Variants in SLC15A5 observed in about 807,000 individuals in gnomAD.
The protein encoded by SLC15A5 is solute carrier family 15 member 5.
Under a neutral mutation model 56.1 loss-of-function variants are expected in SLC15A5, and 58 were observed. The ratio of observed to expected loss-of-function variants is 1.03; its 90% CI spans 0.84 to 1.29. SLC15A5 has a LOEUF of 1.29. SLC15A5 is among the 50% of genes most tolerant of loss of function. The pLI is 0.00. For synonymous variants in SLC15A5, 264 were observed against 250.5 expected (o/e 1.05, Z -0.51); for missense variants, 681 against 672.1 (o/e 1.01, Z -0.15).
intron 5 of SLC15A5, among the ~76,000 whole-genome samples, chr12:16,227,912 AG>A (rs1428248054): frequency 6.6e-6 from 1 of 152,158 alleles, no homozygotes; most frequent in East Asian, 1.9e-4. Flanking sequence ...AGTTACAATC[AG>A]GGCTTCCACT....
Position 16,189,635 on chromosome 12 carries a change from G to A in SLC15A5, c.*33C>T. 7.0e-7 allele frequency: 1 copy of A among 1,425,342 alleles called. No individual in the cohort carries two copies. Among genetic ancestry groups the A allele is most frequent in the Non-Finnish European group, 9.2e-7 (1 of 1,091,524 alleles). 88.3% of individuals were successfully genotyped at this position (1,425,342 alleles called of 1,614,324 possible). ...ACTGAAGAAGAAAACAATGAATACT[G>A]TTCTCATAAGACAGGTAGACTCAAA... is the stretch of plus-strand genomic sequence containing the variant. On this transcript the variant is annotated 3_prime_UTR_variant, in exon 9 of 9. Transcript: ENST00000344941.
At chr12:16,199,398 G>T (rs1326602121) in intron 7 of SLC15A5, among the ~76,000 whole-genome samples, 1 of 150,390 alleles carries the variant, frequency 6.6e-6, no homozygotes, top group Non-Finnish European at 1.5e-5. Flanking sequence ...TGGTGAATAA[G>T]AGATGATCAG....
intron 7 of SLC15A5, among the ~76,000 whole-genome samples, chr12:16,202,088 G>GA (rs1863963967): frequency 6.6e-6 from 1 of 152,188 alleles, no homozygotes; most frequent in East Asian, 1.9e-4. Flanking sequence ...ACAATAAAAG[G>GA]AAAAATAGAC....
rs1042259433 is a variant in SLC15A5, at chr12:16,235,469, T to G, written c.1162+4212A>C. Among the ~76,000 whole-genome samples, 2 of 152,014 alleles carry G rather than the reference T, an allele frequency of 1.3e-5. No homozygotes were observed. The highest frequency in any genetic ancestry group is 4.8e-5 in the African/African-American group (2 of 41,428). On this transcript the variant is annotated intron_variant, in intron 5 of 8. Coordinates refer to ENST00000344941, the MANE Select transcript of SLC15A5 (RefSeq NM_001170798.1). The surrounding 1 kb of genome is among the most constrained non-coding windows in gnomAD (Gnocchi z 4.1). ...TACATAGAGATAAAATATGCAAATG[T>G]ATCTCTATAAGGCATCAGTTATTTG... is the stretch of plus-strand genomic sequence containing the variant.
At chr12:16,216,802 G>C (rs1400974387) in intron 7 of SLC15A5, 91 bp downstream of exon 7, 2 of 1,102,168 alleles carry the variant, frequency 1.8e-6, no homozygotes, top group Non-Finnish European at 2.5e-6. Context: ...AAAAAAGACT[G>C]CACTGACAAA....
At chr12:16,274,790 T>A (rs1864799424) in intron 1 of SLC15A5, among the ~76,000 whole-genome samples, 1 of 152,126 alleles carries the variant, frequency 6.6e-6, no homozygotes, top group Non-Finnish European at 1.5e-5. Context: ...CACTTTTAGT[T>A]TGAATGATAT....
intron 3 of SLC15A5, among the ~76,000 whole-genome samples, chr12:16,252,186 A>G (rs1864525898): frequency 6.6e-6 from 1 of 152,016 alleles, no homozygotes; most frequent in South Asian, 2.1e-4. Flanking sequence ...TCATATATGA[A>G]TATCCCACCG....
intron 2 of SLC15A5, among the ~76,000 whole-genome samples, chr12:16,267,144 A>T (rs938562489): frequency 6.6e-6 from 1 of 152,224 alleles, no homozygotes; most frequent in African/African-American, 2.4e-5. Context: ...GACAGTATCA[A>T]AGAAAGAAGG....
intron 3 of SLC15A5, among the ~76,000 whole-genome samples, chr12:16,255,188 A>T (rs1389160042): frequency 2.0e-5 from 3 of 151,954 alleles, no homozygotes; most frequent in African/African-American, 7.3e-5. Flanking sequence ...TGTTCATCTT[A>T]TACACTCAGA....
chr12:16,241,103 G>A (rs565929038), intron 4 of SLC15A5, among the ~76,000 whole-genome samples: 37 of 152,152 alleles, frequency 2.4e-4, no homozygotes, highest in Admixed American at 3.9e-4. Flanking sequence ...GTGAGCCACC[G>A]TGCCCGGCCC....
intron 3 of SLC15A5, among the ~76,000 whole-genome samples, chr12:16,246,063 C>T (rs1864458236): frequency 6.6e-6 from 1 of 152,110 alleles, no homozygotes. Context: ...GAATCAAATC[C>T]AGCCCAAATT....
At chr12:16,229,795 T>A (rs1864278513) in intron 5 of SLC15A5, among the ~76,000 whole-genome samples, 1 of 152,156 alleles carries the variant, frequency 6.6e-6, no homozygotes, top group African/African-American at 2.4e-5. Flanking sequence ...TAAGTTACTT[T>A]TTACACTCAG....
rs1526984 is a variant in SLC15A5 at position 16,271,484 on chromosome 12, T to C, written c.584+1077A>G. ...AGTAAAGAGTCCCTTCTACCTTTGG[T>C]AAGACTGCATTGTTCTCTGACATTA... On this transcript the variant is annotated intron_variant, in intron 2 of 8. Coordinates refer to ENST00000344941, the MANE Select transcript of SLC15A5 (RefSeq NM_001170798.1). This position sits in a 1 kb window ranked among gnomAD's most constrained non-coding sequence, Gnocchi z 8.0. Among the ~76,000 whole-genome samples the C allele has an allele frequency of 0.019, 2,818 of 152,258 alleles. 91 individuals carry two copies. The highest frequency in any genetic ancestry group is 0.064 in the African/African-American group (2,653 of 41,536).
At chr12:16,201,341 A>G (rs1471747231) in intron 7 of SLC15A5, among the ~76,000 whole-genome samples, 2 of 152,182 alleles carry the variant, frequency 1.3e-5, no homozygotes, top group African/African-American at 2.4e-5. Context: ...ACTTCAAAAT[A>G]TACTACAAAG....
chr12:16,252,745 T>G (rs1383552071), intron 3 of SLC15A5, among the ~76,000 whole-genome samples: 1 of 152,060 alleles, frequency 6.6e-6, no homozygotes, highest in Non-Finnish European at 1.5e-5. Context: ...GATCTATAGA[T>G]TCAATGCAAT....
At chr12:16,244,321 G>C (rs548829226) in intron 4 of SLC15A5, among the ~76,000 whole-genome samples, 16 of 152,262 alleles carry the variant, frequency 1.1e-4, no homozygotes, top group Non-Finnish European at 2.1e-4. Flanking sequence ...TATGCATTCT[G>C]AAGTACTGTC....
intron 7 of SLC15A5, among the ~76,000 whole-genome samples, chr12:16,206,713 A>G (rs75205456): frequency 6.6e-6 from 1 of 152,326 alleles, no homozygotes; most frequent in East Asian, 1.9e-4. Flanking sequence ...GCTCTAGATA[A>G]TAATGGCTGC....
intron 3 of SLC15A5, among the ~76,000 whole-genome samples, chr12:16,251,250 T>G (rs1864515732): frequency 6.6e-6 from 1 of 151,518 alleles, no homozygotes; most frequent in South Asian, 2.1e-4. Flanking sequence ...AAGAATGATC[T>G]CAAATCAATA....
intron 7 of SLC15A5, among the ~76,000 whole-genome samples, chr12:16,208,548 A>G (rs772274735): frequency 5.9e-5 from 9 of 151,990 alleles, no homozygotes; most frequent in Non-Finnish European, 1.0e-4. Context: ...GTGTGTGCCT[A>G]CGGTCCTACT....
Sources: allele counts gnomAD v4.1 joint callset (sites outside exome capture counted in the v4.1 genomes callset), GRCh38; gene constraint gnomAD v4.1.1; non-coding constraint Gnocchi (gnomAD v3.1); transcripts MANE v1.5; gene names NCBI Gene and HGNC (gene_info 2026-07-23, HGNC 2026-07-21).